PTPRG: variants seen among roughly 807,000 people sequenced by gnomAD.
PTPRG encodes receptor-type tyrosine-protein phosphatase gamma.
Under a neutral mutation model 165.3 loss-of-function variants are expected in PTPRG, and 102 were observed. That is an observed-to-expected ratio of 0.62 (90% CI 0.53 to 0.73). The LOEUF (loss-of-function observed/expected upper bound fraction) is 0.73. PTPRG is among the 30% of genes least tolerant of loss of function. PTPRG has a pLI of 0.00. For synonymous variants in PTPRG, 675 were observed against 669.5 expected (o/e 1.01, Z -0.13); for missense variants, 1,866 against 1,861.4 (o/e 1.00, Z -0.05).
intron 1 of PTPRG, among the ~76,000 whole-genome samples, chr3:61,685,892 A>AT (rs1703609436): frequency 6.6e-6 from 1 of 152,166 alleles, no homozygotes; most frequent in Non-Finnish European, 1.5e-5. Flanking sequence ...AGGAGAGGGC[A>AT]TTTCCTGGCA....
intron 2 of PTPRG, among the ~76,000 whole-genome samples, chr3:61,948,116 G>A (rs2039809468): frequency 6.6e-6 from 1 of 152,002 alleles, no homozygotes; most frequent in South Asian, 2.1e-4. Flanking sequence ...CCTGAGGTCG[G>A]GAGTTCAAGA....
At chr3:61,787,105 A>C (rs1171169998) in intron 2 of PTPRG, among the ~76,000 whole-genome samples, 3 of 149,140 alleles carry the variant, frequency 2.0e-5, no homozygotes, top group South Asian at 2.1e-4. Flanking sequence ...TTTGTGTGCC[A>C]AAAAAAAAAG....
chr3:61,750,376 A>G (rs978686366), intron 2 of PTPRG: 1 of 152,246 alleles, frequency 6.6e-6, no homozygotes, highest in African/African-American at 2.4e-5. Flanking sequence ...AGCATGTCCA[A>G]TTGCAAATGG....
At chr3:61,642,410 A>C (rs1303050077) in intron 1 of PTPRG, among the ~76,000 whole-genome samples, 1 of 152,144 alleles carries the variant, frequency 6.6e-6, no homozygotes, top group Non-Finnish European at 1.5e-5. Flanking sequence ...TGCTTGATTC[A>C]GGTTTGGAGA....
chr3:62,180,909 T>C (rs1413257092), intron 8 of PTPRG, among the ~76,000 whole-genome samples: 2 of 152,322 alleles, frequency 1.3e-5, no homozygotes, highest in East Asian at 3.9e-4. Context: ...TCCCAGATAC[T>C]GCCTATTTCT....
intron 4 of PTPRG, among the ~76,000 whole-genome samples, chr3:62,034,335 C>T (rs1367178588): frequency 6.6e-6 from 1 of 152,212 alleles, no homozygotes; most frequent in African/African-American, 2.4e-5. Context: ...TCACTGGAAA[C>T]CTGCGGTGTT....
chr3:61,980,233 T>C (rs1021035810), intron 2 of PTPRG, among the ~76,000 whole-genome samples: 7 of 152,338 alleles, frequency 4.6e-5, no homozygotes, highest in Admixed American at 2.0e-4. Flanking sequence ...CTTTTCAGAA[T>C]AGTGCGTGCT....
At chr3:61,634,836 T>C (rs769759306) in intron 1 of PTPRG, among the ~76,000 whole-genome samples, 1 of 152,216 alleles carries the variant, frequency 6.6e-6, no homozygotes, top group Non-Finnish European at 1.5e-5. Context: ...TGATGCCATA[T>C]CTGATATGCT....
At chr3:61,681,282 A>C (rs1415792854) in intron 1 of PTPRG, among the ~76,000 whole-genome samples, 1 of 152,146 alleles carries the variant, frequency 6.6e-6, no homozygotes, top group Non-Finnish European at 1.5e-5. Context: ...GAAACTACCC[A>C]CCACACACCC....
In PTPRG at chr3:61,814,539, G is replaced by C. The variant is rs375262100; in HGVS notation, c.190+65557G>C. Among the ~76,000 whole-genome samples the C allele has an allele frequency of 4.6e-5, 7 of 151,786 alleles. No homozygotes were observed. The East Asian group carries it at 1.2e-3, about 26-fold the overall frequency. On this transcript the variant is annotated intron_variant, in intron 2 of 29. Coordinates refer to ENST00000474889, the MANE Select transcript of PTPRG (RefSeq NM_002841.4). ...TATGTTTTCTGCTTGTTTTTTGTTT[G>C]TTTATACTTGAAGATCTGCTCTGAA... is the stretch of plus-strand genomic sequence containing the variant.
chr3:61,691,164 G>A (rs548619318), intron 1 of PTPRG, among the ~76,000 whole-genome samples: 1 of 152,272 alleles, frequency 6.6e-6, no homozygotes, highest in East Asian at 1.9e-4. Context: ...TTTAGTCCCA[G>A]CACTTTGAGA....
intron 2 of PTPRG, among the ~76,000 whole-genome samples, chr3:61,830,571 T>TG (rs1193493234): frequency 0.014 from 736 of 51,082 alleles, 1 homozygote; most frequent in African/African-American, 0.094. Flanking sequence ...TTTTTGTTTT[T>TG]TTTTTTTTTT....
Position 62,245,169 on chromosome 3 carries a change from A to G in PTPRG, c.2467+1271A>G, listed in dbSNP as rs558828656. Among the ~76,000 whole-genome samples, 1 of 152,182 alleles carries G rather than the reference A, an allele frequency of 6.6e-6. No homozygotes were observed. Among genetic ancestry groups the G allele is most frequent in the African/African-American group, 2.4e-5 (1 of 41,440 alleles). ...TTGTGGCTGCTAAACTAATTCTCATAAAGATAGGATAAGTTTTGTGTTACT... is the reference window on the plus strand; with the variant it reads ...TTGTGGCTGCTAAACTAATTCTCATGAAGATAGGATAAGTTTTGTGTTACT... On this transcript the variant is annotated intron_variant, in intron 15 of 29. Transcript: ENST00000474889. The surrounding 1 kb of genome is among the most constrained non-coding windows in gnomAD (Gnocchi z 4.2).
At chr3:61,928,419 A>G (rs1393869646) in intron 2 of PTPRG, among the ~76,000 whole-genome samples, 2 of 152,164 alleles carry the variant, frequency 1.3e-5, no homozygotes, top group Non-Finnish European at 2.9e-5. Context: ...GCCTGAGTCC[A>G]TTTTTTTAAT....
intron 17 of PTPRG, 132 bp downstream of exon 17, chr3:62,263,026 G>A: frequency 1.5e-6 from 1 of 680,484 alleles, no homozygotes; most frequent in South Asian, 1.8e-5. Context: ...CCTCTCATTA[G>A]CCCATCTTCA....
chr3:61,642,766 G>T lies in PTPRG; in HGVS notation c.85+80394G>T, dbSNP rs80012477. ...AAATTCAGACTGGCTTTTAATACTG[G>T]GTAACTAAGTCATAGATGAGGGGAA... On this transcript the variant is annotated intron_variant, in intron 1 of 29. Transcript: ENST00000474889. Among the ~76,000 whole-genome samples, 262 of 152,246 alleles carry T rather than the reference G, an allele frequency of 1.7e-3. 4 individuals carry two copies. Among genetic ancestry groups the T allele is most frequent in the Admixed American group, 0.012 (178 of 15,288 alleles).
intron 7 of PTPRG, among the ~76,000 whole-genome samples, chr3:62,162,035 G>A (rs1704785564): frequency 6.6e-6 from 1 of 152,020 alleles, no homozygotes; most frequent in South Asian, 2.1e-4. Context: ...GTACATATCA[G>A]CCTTTTAATG....
At chr3:61,595,194 T>G (rs900530711) in intron 1 of PTPRG, among the ~76,000 whole-genome samples, 6 of 152,186 alleles carry the variant, frequency 3.9e-5, no homozygotes, top group African/African-American at 1.4e-4. Context: ...TGTTTTTTTT[T>G]TTTTCCTTTG....
chr3:62,107,081 A>G (rs1426494352), intron 5 of PTPRG, among the ~76,000 whole-genome samples: 2 of 152,220 alleles, frequency 1.3e-5, no homozygotes, highest in Non-Finnish European at 2.9e-5. Context: ...AGGTGTTCCA[A>G]TTAAGAGAAA....
Sources: gnomAD v4.1 joint callset for allele counts (sites outside exome capture counted in the v4.1 genomes callset) on GRCh38, gnomAD v4.1.1 for gene constraint, Gnocchi (gnomAD v3.1) non-coding constraint, MANE v1.5 for transcripts, NCBI Gene and HGNC (gene_info 2026-07-23, HGNC 2026-07-21) for gene names.